ST18: variants seen among roughly 807,000 people sequenced by gnomAD.
The protein encoded by ST18 is suppression of tumorigenicity 18 protein.
ST18 carries 50 observed loss-of-function variants against 110.0 expected under a neutral mutation model. The ratio of observed to expected loss-of-function variants is 0.45; its 90% CI spans 0.36 to 0.58. The LOEUF is 0.58. ST18 is among the 20% of genes least tolerant of loss of function. The pLI is 0.00. For synonymous variants in ST18, 461 were observed against 452.4 expected (o/e 1.02, Z -0.24); for missense variants, 1,306 against 1,280.1 (o/e 1.02, Z -0.31).
intron 8 of ST18, among the ~76,000 whole-genome samples, chr8:52,203,667 A>G (rs1346737681): frequency 9.2e-5 from 14 of 152,214 alleles, no homozygotes; most frequent in Non-Finnish European, 1.5e-5. Flanking sequence ...CAAGAAAGGA[A>G]GTATTCTGCC....
intron 2 of ST18, among the ~76,000 whole-genome samples, chr8:52,262,214 G>A (rs775274556): frequency 6.6e-6 from 1 of 152,154 alleles, no homozygotes; most frequent in Non-Finnish European, 1.5e-5. Flanking sequence ...TCCATTTATG[G>A]GGGTGGAGCC....
intron 11 of ST18, among the ~76,000 whole-genome samples, chr8:52,165,615 T>A (rs1332120773): frequency 6.6e-6 from 1 of 152,170 alleles, no homozygotes. Flanking sequence ...CGTATGGTCT[T>A]CTTTATTTTC....
chr8:52,247,210 G>T (rs2093933684), intron 2 of ST18, among the ~76,000 whole-genome samples: 1 of 152,140 alleles, frequency 6.6e-6, no homozygotes, highest in Admixed American at 6.6e-5. Flanking sequence ...GTTTCCTTCT[G>T]ACAACACAAA....
intron 8 of ST18, among the ~76,000 whole-genome samples, chr8:52,198,068 G>A (rs2076761958): frequency 1.3e-5 from 2 of 152,152 alleles, no homozygotes; most frequent in African/African-American, 4.8e-5. Context: ...AGGCTGGAGT[G>A]CAATGTGCAG....
At chr8:52,182,477 A>G (rs1482701229) in intron 8 of ST18, among the ~76,000 whole-genome samples, 1 of 152,244 alleles carries the variant, frequency 6.6e-6, no homozygotes, top group East Asian at 1.9e-4. Flanking sequence ...AGAGAAGGAA[A>G]TATTGTAATA....
intron 2 of ST18, among the ~76,000 whole-genome samples, chr8:52,270,629 A>G (rs1301626549): frequency 1.3e-5 from 2 of 152,226 alleles, no homozygotes; most frequent in Admixed American, 6.5e-5. Flanking sequence ...CAATGTATCC[A>G]TATAACAAAT....
chr8:52,280,895 C>G (rs1423737141), intron 2 of ST18, among the ~76,000 whole-genome samples: 5 of 151,752 alleles, frequency 3.3e-5, no homozygotes, highest in Admixed American at 6.6e-5. Flanking sequence ...ACATATACCC[C>G]CAGTATTCTT....
chr8:52,249,062 A>G (rs924552901), intron 2 of ST18, among the ~76,000 whole-genome samples: 1 of 152,174 alleles, frequency 6.6e-6, no homozygotes, highest in African/African-American at 2.4e-5. Context: ...AATAACCTGA[A>G]TGGTAGTTAT....
At chr8:52,184,155 C>T (rs556058723) in intron 8 of ST18, among the ~76,000 whole-genome samples, 7 of 152,302 alleles carry the variant, frequency 4.6e-5, no homozygotes, top group African/African-American at 1.4e-4. Context: ...ATCATTTCCA[C>T]TGGGTTGTGT....
intron 2 of ST18, among the ~76,000 whole-genome samples, chr8:52,364,770 T>C (rs532339415): frequency 7.9e-5 from 12 of 152,242 alleles, no homozygotes; most frequent in African/African-American, 2.9e-4. Flanking sequence ...TCACCACCCA[T>C]GGGACCTGCA....
chr8:52,189,795 G>A (rs2073857454), intron 8 of ST18, among the ~76,000 whole-genome samples: 1 of 152,200 alleles, frequency 6.6e-6, no homozygotes, highest in Non-Finnish European at 1.5e-5. Context: ...GATCACAAAT[G>A]AAAACCTGTC....
chr8:52,169,660 G>A (rs1330409643), intron 10 of ST18, among the ~76,000 whole-genome samples: 3 of 152,178 alleles, frequency 2.0e-5, no homozygotes, highest in Non-Finnish European at 4.4e-5. Context: ...GCATGTCAGA[G>A]AGAAAAAACA....
intron 2 of ST18, chr8:52,404,306 C>T (rs1448888853): frequency 6.6e-6 from 1 of 152,150 alleles, no homozygotes; most frequent in Non-Finnish European, 1.5e-5. Flanking sequence ...CGAGACAGCA[C>T]ATTCAAAGCA....
At chr8:52,394,499 C>A (rs1006696577) in intron 2 of ST18, among the ~76,000 whole-genome samples, 2 of 152,190 alleles carry the variant, frequency 1.3e-5, no homozygotes, top group Non-Finnish European at 2.9e-5. Context: ...GACTTCCCAT[C>A]CTCTGTTTTC....
chr8:52,158,749 G>A (rs931784516), intron 15 of ST18, 149 bp downstream of exon 15: 7 of 850,716 alleles, frequency 8.2e-6, no homozygotes, highest in Middle Eastern at 3.7e-4. Context: ...CCCTGCCTGC[G>A]TTCCTCTGAG....
chr8:52,183,500 T>C (rs1044814529), intron 8 of ST18, among the ~76,000 whole-genome samples: 2 of 152,242 alleles, frequency 1.3e-5, no homozygotes, highest in African/African-American at 4.8e-5. Context: ...TAATAAGCTA[T>C]TGTATTTGAT....
rs779159203 is a variant in ST18 at position 52,132,080 on chromosome 8, C to T, written c.2544G>A (p.Lys848=). Reference sequence around the variant, plus strand: ...GGGAGGCTCCATTGAGAGGATTCTCCTTCTGTCTCTTGGCAGCCAGAGGAC... The same window carrying T: ...GGGAGGCTCCATTGAGAGGATTCTCTTTCTGTCTCTTGGCAGCCAGAGGAC... ...SGCPLAAKRQ[K]ENPLNGASLS... is the part of the protein sequence containing the mutation. The change falls in exon 22 of 26, where the codon AAG becomes AAA. Residue 848 remains lysine, a synonymous_variant. Coordinates refer to ENST00000689386, the MANE Select transcript of ST18 (RefSeq NM_001352837.2). The T allele has an allele frequency of 1.9e-6, 3 of 1,614,192 alleles. No individual in the cohort carries two copies. Among genetic ancestry groups the T allele is most frequent in the Admixed American group, 1.7e-5 (1 of 60,026 alleles).
chr8:52,282,338 C>CA (rs2095395638), intron 2 of ST18, among the ~76,000 whole-genome samples: 1 of 152,128 alleles, frequency 6.6e-6, no homozygotes, highest in South Asian at 2.1e-4. Flanking sequence ...TCCACTGTGA[C>CA]AAAATTGGGC....
chr8:52,318,419 G>T (rs1040510236), intron 2 of ST18, among the ~76,000 whole-genome samples: 7 of 152,182 alleles, frequency 4.6e-5, no homozygotes, highest in African/African-American at 1.7e-4. Context: ...CAACGTTGTG[G>T]AGAAAAAGGA....
Sources: gnomAD v4.1 joint callset for allele counts (sites outside exome capture counted in the v4.1 genomes callset) on GRCh38, gnomAD v4.1.1 for gene constraint, MANE v1.5 for transcripts, NCBI Gene and HGNC (gene_info 2026-07-23, HGNC 2026-07-21) for gene names.